DSCAM: variants seen among roughly 807,000 people sequenced by gnomAD.
The protein encoded by DSCAM is cell adhesion molecule DSCAM.
In DSCAM, 47 loss-of-function variants were observed where a neutral mutation model predicts 217.7. The observed-to-expected ratio is 0.22, with a 90% CI of 0.17 to 0.28. DSCAM has a LOEUF of 0.28. DSCAM is among the 10% of genes least tolerant of loss of function. The pLI is 1.00. For missense variants in DSCAM, 2,080 were observed against 2,618.3 expected, an observed-to-expected ratio of 0.79 and a Z score of 4.49; for synonymous variants, 1,056 against 1,015.3, an observed-to-expected ratio of 1.04 and a Z score of -0.76.
At chr21:40,549,940 T>A (rs370406191) in intron 3 of DSCAM, among the ~76,000 whole-genome samples, 66 of 152,280 alleles carry the variant, frequency 4.3e-4, no homozygotes, top group African/African-American at 1.6e-3. Flanking sequence ...CTGAAATGAA[T>A]GAAATAATGA....
At chr21:40,274,592 C>T (rs1414493519) in intron 11 of DSCAM, among the ~76,000 whole-genome samples, 1 of 152,194 alleles carries the variant, frequency 6.6e-6, no homozygotes, top group Admixed American at 6.5e-5. Context: ...CAACATTGCT[C>T]CTCAGATTTT....
chr21:40,091,222 C>G (rs1350946450), intron 21 of DSCAM, among the ~76,000 whole-genome samples: 2 of 152,196 alleles, frequency 1.3e-5, no homozygotes, highest in Non-Finnish European at 2.9e-5. Context: ...CACATGCACA[C>G]AGAGAGAAAG....
chr21:40,178,828 T>C (rs2090762041), intron 15 of DSCAM, 99 bp downstream of exon 15: 1 of 1,479,384 alleles, frequency 6.8e-7, no homozygotes, highest in Non-Finnish European at 9.3e-7. Context: ...GACCTCCGCC[T>C]AGCACGGGCA....
At chr21:40,105,526 C>G (rs1443270086) in intron 20 of DSCAM, among the ~76,000 whole-genome samples, 3 of 152,194 alleles carry the variant, frequency 2.0e-5, no homozygotes, top group African/African-American at 7.2e-5. Context: ...TGCACTTCCT[C>G]TTGCTGCTGC....
chr21:40,428,424 C>G (rs2075497975), intron 3 of DSCAM, among the ~76,000 whole-genome samples: 1 of 152,002 alleles, frequency 6.6e-6, no homozygotes, highest in Non-Finnish European at 1.5e-5. Flanking sequence ...GCATGCACCA[C>G]CATGCCCAGC....
At chr21:40,195,418 T>A (rs913237639) in intron 11 of DSCAM, among the ~76,000 whole-genome samples, 1 of 152,230 alleles carries the variant, frequency 6.6e-6, no homozygotes, top group East Asian at 1.9e-4. Context: ...TGAGACAAGA[T>A]TCCTGTCACA....
intron 3 of DSCAM, among the ~76,000 whole-genome samples, chr21:40,446,785 C>G (rs773779120): frequency 6.6e-6 from 1 of 152,136 alleles, no homozygotes; most frequent in Non-Finnish European, 1.5e-5. Context: ...ACCACATGTT[C>G]CCTAAGAAAT....
chr21:40,792,392 G>T (rs1024131070), intron 1 of DSCAM, among the ~76,000 whole-genome samples: 1 of 151,886 alleles, frequency 6.6e-6, no homozygotes, highest in African/African-American at 2.4e-5. Flanking sequence ...CACCTGCCTC[G>T]GAATTACAGG....
At chr21:40,477,017 A>G (rs1243121220) in intron 3 of DSCAM, among the ~76,000 whole-genome samples, 1 of 152,242 alleles carries the variant, frequency 6.6e-6, no homozygotes, top group Non-Finnish European at 1.5e-5. Context: ...AATTTGGAAT[A>G]TTTGGGAAGA....
intron 1 of DSCAM, among the ~76,000 whole-genome samples, chr21:40,825,571 G>A (rs1267893431): frequency 2.0e-5 from 3 of 152,044 alleles, no homozygotes; most frequent in African/African-American, 7.2e-5. Flanking sequence ...GCCCACCTCA[G>A]CCTCCCAAAA....
chr21:40,750,074 C>T (rs183700033), intron 1 of DSCAM, among the ~76,000 whole-genome samples: 7 of 152,134 alleles, frequency 4.6e-5, no homozygotes, highest in Non-Finnish European at 7.4e-5. Flanking sequence ...ATTACAGGTG[C>T]CCGCCACCAC....
chr21:40,183,546 A>G (rs144421182), intron 14 of DSCAM, among the ~76,000 whole-genome samples: 76 of 152,298 alleles, frequency 5.0e-4, no homozygotes, highest in African/African-American at 1.8e-3. Context: ...GAAAAGAGTA[A>G]ACCAAGGAAA....
chr21:40,843,575 G>A (rs901077601), intron 1 of DSCAM, among the ~76,000 whole-genome samples: 2 of 152,162 alleles, frequency 1.3e-5, no homozygotes, highest in East Asian at 1.9e-4. Flanking sequence ...ACACAATGCA[G>A]TAGGAAGCTT....
At chr21:40,621,807 G>T (rs2089521208) in intron 3 of DSCAM, among the ~76,000 whole-genome samples, 1 of 150,360 alleles carries the variant, frequency 6.7e-6, no homozygotes, top group African/African-American at 2.5e-5. Context: ...TGCTGTTTTT[G>T]AGAGTCCAAT....
intron 8 of DSCAM, among the ~76,000 whole-genome samples, chr21:40,331,975 A>G (rs2074382372): frequency 6.6e-6 from 1 of 152,062 alleles, no homozygotes. Context: ...GGCACTTAAG[A>G]CCAACCCCGC....
chr21:40,498,873 T>C (rs1227923364), intron 3 of DSCAM, among the ~76,000 whole-genome samples: 1 of 133,452 alleles, frequency 7.5e-6, no homozygotes, highest in African/African-American at 2.7e-5. Flanking sequence ...TATAAGAGAG[T>C]AATAAAACAT....
At chr21:40,124,580 T>C (rs1257125309) in intron 19 of DSCAM, among the ~76,000 whole-genome samples, 1 of 152,118 alleles carries the variant, frequency 6.6e-6, no homozygotes, top group Non-Finnish European at 1.5e-5. Flanking sequence ...TGGTCCCTAA[T>C]CCAGTACTTC....
rs140742713 is a variant in DSCAM, at chr21:40,274,174, C to T, written c.2356+1923G>A. On this transcript the variant is annotated intron_variant, in intron 11 of 32. Transcript: ENST00000400454. ...GGGCCACCTCATCTCCTTAGTCCTC[C>T]CTGATGCTGCACAACTGCCACTGAG... 4.7e-3 allele frequency among the ~76,000 whole-genome samples: 716 copies of T among 152,292 alleles called. 6 individuals carry two copies. Among genetic ancestry groups the T allele is most frequent in the African/African-American group, 0.016 (661 of 41,556 alleles).
chr21:40,016,063 C>T lies in DSCAM; in HGVS notation c.5687-2677G>A, dbSNP rs2088151930. 6.6e-6 allele frequency among the ~76,000 whole-genome samples: 1 copy of T among 152,218 alleles called. No homozygotes were observed. Among genetic ancestry groups the T allele is most frequent in the Non-Finnish European group, 1.5e-5 (1 of 68,046 alleles). ...ATCTTGGCACACCTGTAACTCGTGA[C>T]ATACCAGGTGCAAAACTCTGTCTAG... On this transcript the variant is annotated intron_variant, in intron 32 of 32. Transcript: ENST00000400454. The surrounding 1 kb of genome is among the most constrained non-coding windows in gnomAD (Gnocchi z 4.3).
Sources: gnomAD v4.1 joint callset for allele counts (sites outside exome capture counted in the v4.1 genomes callset) on GRCh38, gnomAD v4.1.1 for gene constraint, Gnocchi (gnomAD v3.1) non-coding constraint, MANE v1.5 for transcripts, NCBI Gene and HGNC (gene_info 2026-07-23, HGNC 2026-07-21) for gene names.